The following RELCH variants were observed in gnomAD, a reference collection of about 807,000 sequenced individuals.
RELCH encodes RAB11-binding protein RELCH.
RELCH carries 41 observed loss-of-function variants against 150.3 expected under a neutral mutation model. The observed-to-expected ratio is 0.27, with a 90% CI of 0.21 to 0.35. The LOEUF (loss-of-function observed/expected upper bound fraction) is 0.35, where lower values mean the gene tolerates loss of function less well. Among genes scored for constraint, RELCH ranks in the 10% least tolerant of loss-of-function variants. RELCH has a pLI of 1.00. For synonymous variants in RELCH, 478 were observed against 531.8 expected (o/e 0.90, Z 1.39); for missense variants, 1,092 against 1,467.8 (o/e 0.74, Z 4.18).
intron 27 of RELCH, among the ~76,000 whole-genome samples, chr18:62,296,314 G>T (rs866652008): frequency 6.6e-6 from 1 of 152,108 alleles, no homozygotes; most frequent in African/African-American, 2.4e-5. Flanking sequence ...GCAGCCAGGC[G>T]TGGTGGCCCA....
In RELCH at chr18:62,188,922, C is replaced by T. The variant is rs775104706; in HGVS notation, c.526+891C>T. ...GTATGGAGATGTTTTAGTATGAGGCCATATATTAATTCTATATTAACAAGT... is the reference window on the plus strand; with the variant it reads ...GTATGGAGATGTTTTAGTATGAGGCTATATATTAATTCTATATTAACAAGT... On this transcript the variant is annotated intron_variant, in intron 1 of 28. Coordinates refer to ENST00000644646, the MANE Select transcript of RELCH (RefSeq NM_001346231.2). Among the ~76,000 whole-genome samples, 14 of 152,052 alleles carry T rather than the reference C, an allele frequency of 9.2e-5. 1 individual carries two copies. The highest frequency in any genetic ancestry group is 1.9e-4 in the Non-Finnish European group (13 of 68,002).
At chr18:62,221,569 C>CTTT in intron 5 of RELCH, 72 bp downstream of exon 5, 16 of 470,038 alleles carry the variant, frequency 3.4e-5, no homozygotes, top group South Asian at 7.8e-5. Flanking sequence ...TACGTAGTTT[C>CTTT]TTTTTTTTTT....
intron 22 of RELCH, 70 bp downstream of exon 22, chr18:62,275,543 T>A (rs749996889): frequency 1.1e-6 from 1 of 909,924 alleles, no homozygotes; most frequent in Non-Finnish European, 1.8e-6. Flanking sequence ...AAGAAGGGAA[T>A]TTTTTTTAAT....
chr18:62,265,395 T>C (rs2043500304), intron 18 of RELCH, among the ~76,000 whole-genome samples: 1 of 152,098 alleles, frequency 6.6e-6, no homozygotes, highest in African/African-American at 2.4e-5. Flanking sequence ...TTTTGTAGTT[T>C]CAAATATTAA....
intron 28 of RELCH, among the ~76,000 whole-genome samples, chr18:62,304,110 T>C (rs2045784210): frequency 6.6e-6 from 1 of 152,186 alleles, no homozygotes; most frequent in South Asian, 2.1e-4. Context: ...GGAGAGTTAT[T>C]TCTAAAGTTA....
chr18:62,267,113 A>G (rs2043604807), intron 19 of RELCH, among the ~76,000 whole-genome samples: 1 of 151,968 alleles, frequency 6.6e-6, no homozygotes, highest in African/African-American at 2.4e-5. Context: ...TAATACTTTT[A>G]AAAATTAAAC....
intron 5 of RELCH, 49 bp downstream of exon 5, chr18:62,221,546 T>A: frequency 2.4e-6 from 2 of 830,518 alleles, no homozygotes; most frequent in Non-Finnish European, 3.8e-6. Flanking sequence ...CACTTATAAT[T>A]CACTTTTTCT....
intron 19 of RELCH, among the ~76,000 whole-genome samples, chr18:62,267,878 A>G (rs1252308997): frequency 6.6e-6 from 1 of 151,842 alleles, no homozygotes; most frequent in Non-Finnish European, 1.5e-5. Context: ...GTGATTATCA[A>G]CCCCTGTAAT....
chr18:62,249,178 T>C (rs1351901028), intron 11 of RELCH, among the ~76,000 whole-genome samples: 7 of 152,246 alleles, frequency 4.6e-5, no homozygotes, highest in Admixed American at 3.9e-4. Flanking sequence ...TAATTTTTCC[T>C]CTTCTGAGAA....
At chr18:62,281,154 T>G (rs2044494647) in intron 24 of RELCH, among the ~76,000 whole-genome samples, 1 of 152,204 alleles carries the variant, frequency 6.6e-6, no homozygotes, top group African/African-American at 2.4e-5. Flanking sequence ...AGATGTTCTA[T>G]TGTAAGCTGA....
chr18:62,310,243 AT>A lies in RELCH; in HGVS notation c.*4710del, dbSNP rs2045968496. ...AAACTTAAAGGTGAATACTTTCATA[AT>A]GTAAATTGTTTTCTAATTTATTTTT... On this transcript the variant is annotated 3_prime_UTR_variant, in exon 29 of 29. Coordinates refer to ENST00000644646, the MANE Select transcript of RELCH (RefSeq NM_001346231.2). 1 of 152,196 alleles carries A rather than the reference AT, an allele frequency of 6.6e-6. No homozygotes were observed. The highest frequency in any genetic ancestry group is 2.1e-4 in the South Asian group (1 of 4,832). The allele number at this position is 152,196 out of a possible 1,614,324, so 9.4% of individuals were successfully genotyped here.
rs143410980 is a variant in RELCH, at chr18:62,263,101, A to T, written c.2351-888A>T. Among the ~76,000 whole-genome samples, 314 of 152,150 alleles carry T rather than the reference A, an allele frequency of 2.1e-3. 4 individuals are homozygous for T. Among genetic ancestry groups the T allele is most frequent in the African/African-American group, 7.3e-3 (304 of 41,536 alleles). On this transcript the variant is annotated intron_variant, in intron 16 of 28. Transcript: ENST00000644646. ...GTTGTGTTGGATAAGCGACTACTTC[A>T]GTATGATTTCATCTTGTCTAACTAC...
intron 27 of RELCH, among the ~76,000 whole-genome samples, chr18:62,296,672 T>A (rs1484256854): frequency 6.6e-6 from 1 of 152,220 alleles, no homozygotes; most frequent in African/African-American, 2.4e-5. Context: ...TAGATGCCCT[T>A]TATCAGGTTG....
intron 20 of RELCH, among the ~76,000 whole-genome samples, chr18:62,270,022 T>C (rs1009095783): frequency 6.6e-6 from 1 of 152,224 alleles, no homozygotes; most frequent in African/African-American, 2.4e-5. Flanking sequence ...TTCTGCAATC[T>C]GGGCCTCACT....
chr18:62,217,348 TAA>T (rs2040542684), intron 2 of RELCH, among the ~76,000 whole-genome samples: 1 of 152,032 alleles, frequency 6.6e-6, no homozygotes, highest in Non-Finnish European at 1.5e-5. Flanking sequence ...ATTTATATAT[TAA>T]GTCATAAAGG....
intron 8 of RELCH, among the ~76,000 whole-genome samples, 165 bp downstream of exon 8, chr18:62,228,763 G>T (rs2041372667): frequency 6.6e-6 from 1 of 151,976 alleles, no homozygotes; most frequent in Non-Finnish European, 1.5e-5. Context: ...TCACAAAAAA[G>T]TCACAAAATT....
chr18:62,292,471 A>G (rs1412139725), intron 27 of RELCH, among the ~76,000 whole-genome samples: 1 of 152,102 alleles, frequency 6.6e-6, no homozygotes, highest in African/African-American at 2.4e-5. Context: ...CTCCATGAAC[A>G]AGTTCATCCA....
chr18:62,293,364 T>C (rs894228532), intron 27 of RELCH, among the ~76,000 whole-genome samples: 1 of 152,146 alleles, frequency 6.6e-6, no homozygotes, highest in African/African-American at 2.4e-5. Flanking sequence ...GAATTGATGT[T>C]TCAGGCTTCA....
At chr18:62,221,548 A>G (rs754732361) in intron 5 of RELCH, 51 bp downstream of exon 5, 1 of 805,154 alleles carries the variant, frequency 1.2e-6, no homozygotes, top group Non-Finnish European at 1.9e-6. Context: ...CTTATAATTC[A>G]CTTTTTCTTT....
Sources: gnomAD v4.1 joint callset for allele counts (sites outside exome capture counted in the v4.1 genomes callset) on GRCh38, gnomAD v4.1.1 for gene constraint, MANE v1.5 for transcripts, NCBI Gene and HGNC (gene_info 2026-07-23, HGNC 2026-07-21) for gene names.